ATP13A5: variants seen among roughly 807,000 people sequenced by gnomAD.
ATP13A5 encodes the protein probable cation-transporting ATPase 13A5.
Under a neutral mutation model 150.2 loss-of-function variants are expected in ATP13A5, and 149 were observed. The ratio of observed to expected loss-of-function variants is 0.99; its 90% CI spans 0.87 to 1.14. The LOEUF is 1.14. ATP13A5 is among the 50% of genes most tolerant of loss of function. ATP13A5 has a pLI of 0.00. For synonymous variants in ATP13A5, 497 were observed against 522.2 expected (o/e 0.95, Z 0.66); for missense variants, 1,383 against 1,449.3 (o/e 0.95, Z 0.74).
Position 193,322,581 on chromosome 3 carries a change from T to C in ATP13A5, c.1675-7A>G, listed in dbSNP as rs140954507. 1,933 of 1,585,644 alleles carry C rather than the reference T, an allele frequency of 1.2e-3. 16 individuals carry two copies. In the African/African-American group the frequency reaches 0.024, roughly 19 times the overall value. On this transcript the variant is annotated splice_region_variant and splice_polypyrimidine_tract_variant and intron_variant, in intron 14 of 29. Coordinates refer to ENST00000342358, the MANE Select transcript of ATP13A5 (RefSeq NM_198505.4). ...CAATGCAATCTTCCATTTTCTGTTA[T>C]AAAATGAAAACATTCATAAGATTCT...
intron 6 of ATP13A5, among the ~76,000 whole-genome samples, chr3:193,353,311 T>A: frequency 2.9e-5 from 1 of 34,206 alleles, no homozygotes. Flanking sequence ...CCACTTAAGG[T>A]AAGCATTAAA....
intron 7 of ATP13A5, among the ~76,000 whole-genome samples, chr3:193,349,099 T>C (rs1980264): frequency 0.54 from 82,267 of 152,092 alleles, 22,500 homozygotes; most frequent in African/African-American, 0.61. Context: ...TAAACAGATG[T>C]TGATGAATGA....
intron 17 of ATP13A5, among the ~76,000 whole-genome samples, chr3:193,316,322 T>C (rs554995875): frequency 6.0e-4 from 92 of 152,272 alleles, no homozygotes; most frequent in Non-Finnish European, 1.1e-3. Flanking sequence ...TTTGGATATA[T>C]ACTCAGAAGT....
chr3:193,280,752 C>T (rs1717452528), intron 27 of ATP13A5, among the ~76,000 whole-genome samples: 1 of 152,134 alleles, frequency 6.6e-6, no homozygotes, highest in Non-Finnish European at 1.5e-5. Flanking sequence ...CACCTTCAGG[C>T]CCAAACAACA....
intron 23 of ATP13A5, among the ~76,000 whole-genome samples, chr3:193,302,608 C>T (rs1485166537): frequency 1.3e-5 from 2 of 152,184 alleles, no homozygotes; most frequent in African/African-American, 2.4e-5. Flanking sequence ...ATTCTACAAA[C>T]GTTCACTGAA....
Position 193,275,063 on chromosome 3 carries a change from C to A in ATP13A5, c.3636G>T (p.Gln1212His). ...KLKLGGQPTE[Q>H]HFWARL ...CTGATTACAGCCTGGCCCAGAAATG[C>A]TGTTCTGTGGGTTGGCCTCCCAATT... Residue 1212 changes from glutamine (Q) to histidine (H), a missense_variant, in exon 30 of 30, where the codon CAG (glutamine) becomes CAT (histidine). Gln to His is a conservative substitution (Grantham distance 24). Transcript: ENST00000342358. 6.2e-7 allele frequency: 1 copy of A among 1,614,170 alleles called. No homozygotes were observed. Among genetic ancestry groups the A allele is most frequent in the Non-Finnish European group, 8.5e-7 (1 of 1,180,036 alleles).
chr3:193,307,234 G>A, intron 22 of ATP13A5, 93 bp downstream of exon 22: 2 of 1,599,602 alleles, frequency 1.3e-6, no homozygotes, highest in Non-Finnish European at 1.7e-6. Context: ...GGTTGCTGGT[G>A]GAAGGATGAA....
chr3:193,284,035 T>TTATTATTATTA (rs1560112773), intron 27 of ATP13A5, among the ~76,000 whole-genome samples: 1 of 91,464 alleles, frequency 1.1e-5, no homozygotes, highest in African/African-American at 4.6e-5. Context: ...TATTATTATT[T>TTATTATTATTA]TTTGAGACAG....
chr3:193,363,528 C>T (rs1251281220), intron 2 of ATP13A5, 146 bp from the exon 3 acceptor site: 2 of 721,856 alleles, frequency 2.8e-6, no homozygotes, highest in Non-Finnish European at 4.3e-6. Context: ...TGCAAATTCT[C>T]AGCCCCACTT....
chr3:193,367,973 GAGGGAAGGGAAGGAA>G (rs1473584301), intron 1 of ATP13A5, among the ~76,000 whole-genome samples: 41 of 144,862 alleles, frequency 2.8e-4, no homozygotes, highest in African/African-American at 9.6e-4. Flanking sequence ...GAGAAAGAAA[GAGGGAAGGGAAGGAA>G]AGGGAAGGGG....
intron 3 of ATP13A5, 41 bp downstream of exon 3, chr3:193,363,195 T>G: frequency 6.4e-7 from 1 of 1,562,298 alleles, no homozygotes; most frequent in Non-Finnish European, 8.7e-7. Context: ...TTATGCTTTC[T>G]CTGTAAACAT....
chr3:193,336,698 C>T (rs539325305), intron 9 of ATP13A5, among the ~76,000 whole-genome samples: 123 of 151,296 alleles, frequency 8.1e-4, no homozygotes, highest in Non-Finnish European at 1.3e-3. Flanking sequence ...AATAAACATA[C>T]GTGTGCATGT....
Position 193,331,438 on chromosome 3 carries a change from C to G in ATP13A5, c.1273-127G>C, listed in dbSNP as rs73074760. Reference sequence around the variant, plus strand: ...AAAGGAGACCTTTGATCCCTACTCCCAGTCCACCAACCCCTTTCCTGGTTC... The same window carrying G: ...AAAGGAGACCTTTGATCCCTACTCCGAGTCCACCAACCCCTTTCCTGGTTC... On this transcript the variant is annotated intron_variant, in intron 11 of 29. Coordinates refer to ENST00000342358, the MANE Select transcript of ATP13A5 (RefSeq NM_198505.4). The G allele has an allele frequency of 2.6e-3, 2,039 of 788,588 alleles. 45 individuals carry two copies. In the African/African-American group the frequency reaches 0.032, roughly 12 times the overall value. The allele number at this position is 788,588 out of a possible 1,614,324, so 48.8% of individuals were successfully genotyped here.
intron 14 of ATP13A5, chr3:193,323,313 G>A (rs1221525936): frequency 1.3e-5 from 2 of 152,118 alleles, no homozygotes; most frequent in South Asian, 4.1e-4. Flanking sequence ...AGTCTAAAAG[G>A]ACAGTTTCCC....
intron 8 of ATP13A5, 88 bp downstream of exon 8, chr3:193,344,915 T>C: frequency 1.5e-6 from 2 of 1,295,248 alleles, no homozygotes; most frequent in Non-Finnish European, 2.2e-6. Flanking sequence ...GAAAAGATTA[T>C]TTCTCCTTGA....
At chr3:193,327,417 C>A (rs1052603979) in intron 12 of ATP13A5, among the ~76,000 whole-genome samples, 13 of 152,290 alleles carry the variant, frequency 8.5e-5, no homozygotes, top group South Asian at 4.1e-4. Context: ...CACCTGCTAT[C>A]TCGCTGAAGC....
chr3:193,287,912 A>T (rs1717784437), intron 26 of ATP13A5, among the ~76,000 whole-genome samples: 1 of 152,172 alleles, frequency 6.6e-6, no homozygotes, highest in Non-Finnish European at 1.5e-5. Flanking sequence ...AGGTAAAAAC[A>T]TCAACATTAA....
chr3:193,359,376 C>CTCTGTCCT (rs1425323722), intron 5 of ATP13A5, among the ~76,000 whole-genome samples: 2 of 152,130 alleles, frequency 1.3e-5, no homozygotes, highest in Non-Finnish European at 2.9e-5. Flanking sequence ...AGCAGCCTCT[C>CTCTGTCCT]TCTGTCCTTC....
chr3:193,325,762 T>C (rs865914446), intron 13 of ATP13A5, among the ~76,000 whole-genome samples: 13 of 152,322 alleles, frequency 8.5e-5, no homozygotes, highest in Middle Eastern at 3.4e-3. Flanking sequence ...GTTTTTCTCT[T>C]TGATAATACA....
Sources: gnomAD v4.1 joint callset for allele counts (sites outside exome capture counted in the v4.1 genomes callset) on GRCh38, gnomAD v4.1.1 for gene constraint, MANE v1.5 for transcripts, NCBI Gene and HGNC (gene_info 2026-07-23, HGNC 2026-07-21) for gene names.